Variants in EPB41L2 observed in about 807,000 individuals in gnomAD.
The protein encoded by EPB41L2 is band 4.1-like protein 2.
A neutral mutation model predicts 113.0 loss-of-function variants in EPB41L2; 43 were observed. That is an observed-to-expected ratio of 0.38 (90% CI 0.30 to 0.49). The LOEUF (loss-of-function observed/expected upper bound fraction) is 0.49. EPB41L2 is among the 20% of genes least tolerant of loss of function. The pLI is 0.95. For synonymous variants in EPB41L2, 442 were observed against 436.7 expected (o/e 1.01, Z -0.15); for missense variants, 1,147 against 1,223.4 (o/e 0.94, Z 0.93).
intron 1 of EPB41L2, among the ~76,000 whole-genome samples, chr6:130,968,911 T>G (rs1293573522): frequency 1.3e-5 from 2 of 152,134 alleles, no homozygotes; most frequent in African/African-American, 4.8e-5. Context: ...TTTGCAAAAG[T>G]GATTTGGTAG....
intron 19 of EPB41L2, among the ~76,000 whole-genome samples, chr6:130,846,922 A>G (rs982446930): frequency 2.0e-5 from 3 of 152,230 alleles, no homozygotes; most frequent in African/African-American, 7.2e-5. Flanking sequence ...TCTTACTCTT[A>G]GAGATGTCCA....
At position 130,869,772 on chromosome 6, in the gene EPB41L2, C is replaced by T. The variant is rs375269285; in HGVS notation, c.2398G>A (p.Val800Ile). Residue 800 changes from valine (V) to isoleucine (I), a missense_variant, in exon 15 of 20, where the codon GTC becomes ATC. Transcript: ENST00000337057. The part of the protein sequence containing the change: ...REEAVPEASP[V>I]TQAGASVITV... ...ATTACACTGGCACCTGCTTGTGTGACTGGGCTGGCTTCGGGCACTGCTTCC... is the reference window on the plus strand; with the variant it reads ...ATTACACTGGCACCTGCTTGTGTGATTGGGCTGGCTTCGGGCACTGCTTCC... 1 of 1,614,110 alleles carries T rather than the reference C, an allele frequency of 6.2e-7. No individual in the cohort carries two copies. Among genetic ancestry groups the T allele is most frequent in the Non-Finnish European group, 8.5e-7 (1 of 1,180,016 alleles).
chr6:130,989,689 T>C (rs1051711641), intron 1 of EPB41L2, among the ~76,000 whole-genome samples: 7 of 152,246 alleles, frequency 4.6e-5, no homozygotes, highest in South Asian at 2.1e-4. Context: ...TATTTGTCAA[T>C]GTTGGGATCT....
intron 8 of EPB41L2, among the ~76,000 whole-genome samples, chr6:130,897,827 C>T (rs1795111113): frequency 6.6e-6 from 1 of 152,026 alleles, no homozygotes; most frequent in Non-Finnish European, 1.5e-5. Context: ...TGGCTTTAAA[C>T]AAGTCATTCT....
chr6:130,913,685 T>TG (rs144599598), intron 4 of EPB41L2, among the ~76,000 whole-genome samples: 1 of 152,212 alleles, frequency 6.6e-6, no homozygotes, highest in East Asian at 1.9e-4. Flanking sequence ...AGATGGTAAG[T>TG]GGGGTATAGC....
In EPB41L2 at chr6:130,969,929, T is replaced by C. The variant is rs141432419; in HGVS notation, c.-14-13430A>G. ...ATATAAAAGAAACCAACTAGCTTCA[T>C]TATTCTCATAGGTCAAACCTGAAAA... On this transcript the variant is annotated intron_variant, in intron 1 of 19. Coordinates refer to ENST00000337057, the MANE Select transcript of EPB41L2 (RefSeq NM_001431.4). Among the ~76,000 whole-genome samples the C allele has an allele frequency of 3.4e-4, 52 of 152,282 alleles. 2 individuals carry two copies. The highest frequency in any genetic ancestry group is 1.3e-3 in the African/African-American group (52 of 41,562).
intron 17 of EPB41L2, 134 bp from the exon 18 acceptor site, chr6:130,863,852 C>A: frequency 1.7e-6 from 1 of 575,540 alleles, no homozygotes; most frequent in South Asian, 2.3e-5. Context: ...CAGCAAAAGA[C>A]TGATATTCTA....
chr6:131,015,303 T>C (rs1196666760), intron 1 of EPB41L2: 1 of 152,232 alleles, frequency 6.6e-6, no homozygotes, highest in Non-Finnish European at 1.5e-5. Flanking sequence ...GAAGGAGTTT[T>C]GTGTGCTGTT....
intron 1 of EPB41L2, among the ~76,000 whole-genome samples, chr6:131,009,306 G>A (rs1343987381): frequency 6.6e-6 from 1 of 152,114 alleles, no homozygotes; most frequent in Non-Finnish European, 1.5e-5. Context: ...CACCATGATT[G>A]TAAGCTTCCT....
intron 1 of EPB41L2, among the ~76,000 whole-genome samples, chr6:130,990,286 A>C (rs940634641): frequency 6.6e-6 from 1 of 151,680 alleles, no homozygotes; most frequent in Admixed American, 6.6e-5. Flanking sequence ...ACACCATTGC[A>C]CTCCAGCCTG....
intron 1 of EPB41L2, among the ~76,000 whole-genome samples, chr6:131,046,871 C>A (rs1312289638): frequency 6.6e-6 from 1 of 152,130 alleles, no homozygotes; most frequent in African/African-American, 2.4e-5. Context: ...TTAAATTATA[C>A]CCTAATGCAA....
intron 1 of EPB41L2, among the ~76,000 whole-genome samples, chr6:131,048,161 A>G (rs12199471): frequency 0.28 from 40,393 of 143,956 alleles, 6,487 homozygotes; most frequent in East Asian, 0.42. Context: ...AAAAAAAGAA[A>G]AAAAGAAAAG....
chr6:130,849,221 G>A (rs1390953455), intron 19 of EPB41L2, among the ~76,000 whole-genome samples: 1 of 152,188 alleles, frequency 6.6e-6, no homozygotes, highest in African/African-American at 2.4e-5. Context: ...AGGGAGAGCA[G>A]GCTCAATGTC....
At chr6:130,847,210 T>C (rs1777315386) in intron 19 of EPB41L2, among the ~76,000 whole-genome samples, 2 of 152,184 alleles carry the variant, frequency 1.3e-5, no homozygotes, top group Admixed American at 6.5e-5. Context: ...TCTCCAACTA[T>C]CCAGATTGCC....
At chr6:130,903,122 T>A (rs1489130839) in intron 6 of EPB41L2, among the ~76,000 whole-genome samples, 1 of 152,132 alleles carries the variant, frequency 6.6e-6, no homozygotes, top group Non-Finnish European at 1.5e-5. Context: ...GTACTGATGC[T>A]ACAAACTTGC....
At chr6:130,969,220 A>T (rs1776139677) in intron 1 of EPB41L2, among the ~76,000 whole-genome samples, 2 of 152,006 alleles carry the variant, frequency 1.3e-5, no homozygotes, top group Admixed American at 1.3e-4. Flanking sequence ...CTTGTGACAA[A>T]AAAAAAAATG....
chr6:131,056,143 G>A (rs893814822), intron 1 of EPB41L2, among the ~76,000 whole-genome samples: 32 of 152,286 alleles, frequency 2.1e-4, no homozygotes, highest in African/African-American at 7.2e-4. Flanking sequence ...GATGTTGCTG[G>A]AAAATATGTG....
At chr6:130,963,184 C>T (rs1296695620) in intron 1 of EPB41L2, among the ~76,000 whole-genome samples, 1 of 152,162 alleles carries the variant, frequency 6.6e-6, no homozygotes, top group African/African-American at 2.4e-5. Context: ...TCCTCTCTGG[C>T]TCAATGAGCC....
Position 130,899,530 on chromosome 6 carries a change from CTT to C in EPB41L2, c.1195_1196del (p.Lys399GlufsTer8). On this transcript the variant is annotated frameshift_variant, in exon 8 of 20. Coordinates refer to ENST00000337057, the MANE Select transcript of EPB41L2 (RefSeq NM_001431.4). LOFTEE classifies it high-confidence loss of function. ...GGTCAACACCATACATGGAAAGCCT[CTT>C]TGCATTTTCTAAGAACTGGGAATCA... is the stretch of plus-strand genomic sequence containing the variant. Reference protein sequence around the residue: ...QADSQFLENAKRLSMYGVDLH... With the variant: ...QADSQFLENAXRLSMYGVDLH... 2.5e-6 allele frequency: 4 copies of C among 1,613,996 alleles called. No homozygotes were observed. The highest frequency in any genetic ancestry group is 3.4e-6 in the Non-Finnish European group (4 of 1,179,884).
Sources: gnomAD v4.1 joint callset for allele counts (sites outside exome capture counted in the v4.1 genomes callset) on GRCh38, gnomAD v4.1.1 for gene constraint, MANE v1.5 for transcripts, NCBI Gene and HGNC (gene_info 2026-07-23, HGNC 2026-07-21) for gene names.